Variants in SHKBP1 observed in about 807,000 individuals in gnomAD.
The protein encoded by SHKBP1 is SH3KBP1 binding protein 1.
A neutral mutation model predicts 83.9 loss-of-function variants in SHKBP1; 71 were observed. The observed-to-expected ratio is 0.85, with a 90% CI of 0.70 to 1.03. SHKBP1 has a LOEUF of 1.03. Ranked by LOEUF, SHKBP1 falls within the 50% of genes least tolerant of loss-of-function variation. The probability of loss-of-function intolerance (pLI) is 0.00; values close to 1 mark genes in which losing one functional copy is unlikely to be tolerated. For missense variants in SHKBP1, 824 were observed against 982.4 expected, an observed-to-expected ratio of 0.84 and a Z score of 2.16; for synonymous variants, 371 against 398.0, an observed-to-expected ratio of 0.93 and a Z score of 0.81.
chr19:40,585,550 T>TTTTTTTTTTTTTTTTTTTTTTTTTC (rs398034634), intron 12 of SHKBP1: 1 of 144,706 alleles, frequency 6.9e-6, no homozygotes. Context: ...TTTTTTTTTT[T>TTTTTTTTTTTTTTTTTTTTTTTTTC]GTCTTTTCCT....
At position 40,590,692 on chromosome 19, in the gene SHKBP1, C is replaced by G. The variant is rs753601194; in HGVS notation, c.1769-38C>G. 1 of 1,547,138 alleles carries G rather than the reference C, an allele frequency of 6.5e-7. No homozygotes were observed. The highest frequency in any genetic ancestry group is 1.2e-5 in the South Asian group (1 of 83,004). ...CAACCCAGGCCCTTGCCCTATGACC[C>G]CTGTCTTGCCCCCTGACCCTGCTTC... On this transcript the variant is annotated intron_variant, in intron 16 of 17. Coordinates refer to ENST00000291842, the MANE Select transcript of SHKBP1 (RefSeq NM_138392.4). This position sits in a 1 kb window ranked among gnomAD's most constrained non-coding sequence, Gnocchi z 4.6.
In SHKBP1 at chr19:40,576,932, C is replaced by T. The variant is rs367726186; in HGVS notation, c.33C>T (p.Val11=). Residue 11 remains valine, a synonymous_variant, in exon 1 of 18, where the codon GTC becomes GTT. Transcript: ENST00000291842. MAAAATAAEG[V]PSRGPPGEVI... ...CAGCGGCTACTGCAGCCGAGGGGGT[C>T]CCCAGTCGGGGGCCTCCCGGGGAAG... 22 of 1,488,990 alleles carry T rather than the reference C, an allele frequency of 1.5e-5. No homozygotes were observed. The highest frequency in any genetic ancestry group is 1.2e-4 in the East Asian group (5 of 40,336). 92.2% of individuals were successfully genotyped at this position (1,488,990 alleles called of 1,614,324 possible). A position where few individuals can be genotyped will look rare whatever the true frequency, so the allele number is the denominator to read the frequency against.
In SHKBP1 at chr19:40,590,896, G is replaced by C; in HGVS notation, c.1892+43G>C. ...GCCCCTTCTGTGCAATGAGGGGAGAGGGGACAGCATGGTGTTCCCGGGGAC... is the reference window on the plus strand; with the variant it reads ...GCCCCTTCTGTGCAATGAGGGGAGACGGGACAGCATGGTGTTCCCGGGGAC... On this transcript the variant is annotated intron_variant, in intron 17 of 17. Coordinates refer to ENST00000291842, the MANE Select transcript of SHKBP1 (RefSeq NM_138392.4). This position sits in a 1 kb window ranked among gnomAD's most constrained non-coding sequence, Gnocchi z 4.6. 2.5e-6 allele frequency: 4 copies of C among 1,570,042 alleles called. No homozygotes were observed. The highest frequency in any genetic ancestry group is 3.5e-6 in the Non-Finnish European group (4 of 1,149,544).
intron 1 of SHKBP1, 107 bp downstream of exon 1, chr19:40,577,092 C>A (rs551604033): frequency 1.2e-5 from 16 of 1,346,960 alleles, no homozygotes; most frequent in Non-Finnish European, 1.5e-5. Context: ...GCTCCGCCCC[C>A]CCCCCCTTTG....
intron 6 of SHKBP1, among the ~76,000 whole-genome samples, chr19:40,578,800 T>C (rs529916048): frequency 6.6e-6 from 1 of 152,106 alleles, no homozygotes; most frequent in South Asian, 2.1e-4. Context: ...TTTGGTTTCT[T>C]TGTAGGGGGG....
rs2081352106 is a variant in SHKBP1 at position 40,590,751 on chromosome 19, A to T, written c.1790A>T (p.Glu597Val). The change falls in exon 17 of 18, where the codon GAG (glutamate) becomes GTG (valine). Residue 597 changes from glutamate to valine, a missense_variant. Physicochemically the swap from Glu to Val is moderately radical, Grantham distance 121 (BLOSUM62 -2). Transcript: ENST00000291842. The surrounding 1 kb of genome is among the most constrained non-coding windows in gnomAD (Gnocchi z 4.6). ...CCAGCAGGTGGCCTGACGGAGCAAG[A>T]GCTGATGGAACAGCTGGAACACTGT... is the stretch of plus-strand genomic sequence containing the variant. ...QAPAGGLTEQ[E>V]LMEQLEHCEL... 2 of 1,598,994 alleles carry T rather than the reference A, an allele frequency of 1.3e-6. No individual in the cohort carries two copies. Among genetic ancestry groups the T allele is most frequent in the South Asian group, 1.1e-5 (1 of 90,526 alleles).
Position 40,583,420 on chromosome 19 carries a change from C to T in SHKBP1, c.983C>T (p.Thr328Ile). The stretch of plus-strand genomic sequence containing the variant: ...CAGGTCCAGGAGGTGCAGCCCATCA[C>T]CAGTTATGACGCGGCAGGCTCCTTC... ...HWQVQEVQPI[T>I]SYDAAGSFLL... Residue 328 changes from threonine (T) to isoleucine (I), a missense_variant, in exon 11 of 18, where the codon ACC becomes ATC. By Grantham distance (89) the Thr-to-Ile change is moderately conservative. Around this residue, in one of 3 missense-constraint regions of SHKBP1, gnomAD observed 182 missense variants for 273.1 expected, o/e 0.67. Coordinates refer to ENST00000291842, the MANE Select transcript of SHKBP1 (RefSeq NM_138392.4). 6.3e-7 allele frequency: 1 copy of T among 1,595,682 alleles called. No homozygotes were observed. Among genetic ancestry groups the T allele is most frequent in the Non-Finnish European group, 8.5e-7 (1 of 1,171,092 alleles).
At position 40,582,420 on chromosome 19, in the gene SHKBP1, A is replaced by G; in HGVS notation, c.914A>G (p.His305Arg). ...GGGAACCAGCTCATTGCTACAAGCC[A>G]CACAGGGCGCATCGGGGTGTGGAAT... is the stretch of plus-strand genomic sequence containing the variant. Reference protein sequence around the residue: ...FVGNQLIATSHTGRIGVWNAV... With the variant: ...FVGNQLIATSRTGRIGVWNAV... Residue 305 changes from histidine (H) to arginine (R), a missense_variant, in exon 10 of 18, where the codon CAC becomes CGC. Transcript: ENST00000291842. 1 of 1,614,140 alleles carries G rather than the reference A, an allele frequency of 6.2e-7. No individual in the cohort carries two copies. The highest frequency in any genetic ancestry group is 8.5e-7 in the Non-Finnish European group (1 of 1,180,024).
intron 12 of SHKBP1, among the ~76,000 whole-genome samples, chr19:40,584,788 A>G (rs1272667897): frequency 1.3e-5 from 2 of 152,128 alleles, no homozygotes; most frequent in African/African-American, 4.8e-5. Flanking sequence ...ATGCCTGGCT[A>G]ATTTTTCTAC....
Position 40,591,146 on chromosome 19 carries a change from C to T in SHKBP1, c.2063C>T (p.Ser688Phe). The stretch of plus-strand genomic sequence containing the variant: ...CCACCCACACCAGCCCCGTGGCCCT[C>T]CAGCGGTCTCGGCACTCCCCTCACA... ...RRPPTPAPWP[S>F]SGLGTPLTPP... The change falls in exon 18 of 18, where the codon TCC becomes TTC. Residue 688 changes from serine (S) to phenylalanine (F), a missense_variant. Coordinates refer to ENST00000291842, the MANE Select transcript of SHKBP1 (RefSeq NM_138392.4). The T allele has an allele frequency of 1.9e-6, 3 of 1,605,454 alleles. No individual in the cohort carries two copies. Among genetic ancestry groups the T allele is most frequent in the Non-Finnish European group, 2.6e-6 (3 of 1,173,052 alleles).
chr19:40,589,603 T>C (rs2079765936), intron 15 of SHKBP1, among the ~76,000 whole-genome samples: 1 of 149,544 alleles, frequency 6.7e-6, no homozygotes, highest in Admixed American at 6.7e-5. Context: ...CCCAGGGAGC[T>C]GTAGGAGCCT....
intron 9 of SHKBP1, 144 bp from the exon 10 acceptor site, chr19:40,582,207 C>A: frequency 2.9e-6 from 2 of 687,642 alleles, no homozygotes; most frequent in Non-Finnish European, 2.6e-6. Context: ...CAGGTGTGAG[C>A]CACTGTGCCC....
chr19:40,589,001 G>A (rs2081334568), intron 14 of SHKBP1, 81 bp from the exon 15 acceptor site: 42 of 1,448,214 alleles, frequency 2.9e-5, no homozygotes, highest in Non-Finnish European at 4.0e-5. Flanking sequence ...GTCTTGGGGT[G>A]GTGGGTTTCA....
Position 40,590,475 on chromosome 19 carries a change from A to G in SHKBP1, c.1768+53A>G. The G allele has an allele frequency of 1.3e-6, 2 of 1,536,692 alleles. No individual in the cohort carries two copies. The highest frequency in any genetic ancestry group is 2.3e-5 in the East Asian group (1 of 43,514). The stretch of plus-strand genomic sequence containing the variant: ...CCCAAGCCCCACAGCCTCACCCAGA[A>G]CCACTCTCCACTGCCAACTGCTTGA... On this transcript the variant is annotated intron_variant, in intron 16 of 17. Coordinates refer to ENST00000291842, the MANE Select transcript of SHKBP1 (RefSeq NM_138392.4). The surrounding 1 kb of genome is among the most constrained non-coding windows in gnomAD (Gnocchi z 4.6).
chr19:40,583,453 T>G lies in SHKBP1; in HGVS notation c.1016T>G (p.Leu339Arg), dbSNP rs1381899384. The G allele has an allele frequency of 6.2e-7, 1 of 1,608,692 alleles. No homozygotes were observed. The highest frequency in any genetic ancestry group is 1.1e-5 in the South Asian group (1 of 90,354). Reference protein sequence around the residue: ...SYDAAGSFLLLGCNNGSIYYV... With the variant: ...SYDAAGSFLLRGCNNGSIYYV... ...GACGCGGCAGGCTCCTTCCTCCTCC[T>G]GGGCTGCAACAACGGCTCCATTTAC... The change falls in exon 11 of 18, where the codon CTG becomes CGG. Residue 339 changes from leucine to arginine, a missense_variant. Coordinates refer to ENST00000291842, the MANE Select transcript of SHKBP1 (RefSeq NM_138392.4).
intron 15 of SHKBP1, among the ~76,000 whole-genome samples, chr19:40,589,462 G>A (rs1416537338): frequency 1.5e-5 from 2 of 130,170 alleles, no homozygotes; most frequent in Admixed American, 7.7e-5. Context: ...TGGGATGGGG[G>A]GCCCAGGCGG....
rs1440171465 is a variant in SHKBP1, at chr19:40,586,659, C to T, written c.1166-115C>T. ...TGGGATTACGGCGTGAGCCACCGTG[C>T]CCGGCCTCTCCTTGCTTTCTGACTG... is the stretch of plus-strand genomic sequence containing the variant. On this transcript the variant is annotated intron_variant, in intron 12 of 17. Transcript: ENST00000291842. 25 of 1,087,518 alleles carry T rather than the reference C, an allele frequency of 2.3e-5. No homozygotes were observed. In the South Asian group the frequency reaches 3.9e-4, roughly 17 times the overall value. 67.4% of individuals were successfully genotyped at this position (1,087,518 alleles called of 1,614,324 possible). A position where few individuals can be genotyped will look rare whatever the true frequency, so the allele number is the denominator to read the frequency against.
intron 12 of SHKBP1, 44 bp from the exon 13 acceptor site, chr19:40,586,730 T>C (rs2081315191): frequency 1.4e-6 from 2 of 1,456,866 alleles, no homozygotes; most frequent in Non-Finnish European, 1.8e-6. Context: ...CTGGTTTCTG[T>C]CTCTGTGGCC....
Position 40,586,477 on chromosome 19 carries a change from A to G in SHKBP1, c.1166-297A>G, listed in dbSNP as rs541063257. 2.0e-5 allele frequency among the ~76,000 whole-genome samples: 3 copies of G among 150,490 alleles called. No individual in the cohort carries two copies. The East Asian group carries it at 5.9e-4, about 30-fold the overall frequency. On this transcript the variant is annotated intron_variant, in intron 12 of 17. Transcript: ENST00000291842. ...TGCCTCCTGGGTTCAAGCAATTCTC[A>G]TGCCTCAGCCTTCTGAGTAGCTGGG...
Sources: allele counts gnomAD v4.1 joint callset (sites outside exome capture counted in the v4.1 genomes callset), GRCh38; gene constraint gnomAD v4.1.1; regional missense constraint gnomAD v4.1.1; non-coding constraint Gnocchi (gnomAD v3.1); transcripts MANE v1.5; gene names NCBI Gene and HGNC (gene_info 2026-07-23, HGNC 2026-07-21).